The following GMPS variants were observed in gnomAD, a reference collection of about 807,000 sequenced individuals.
GMPS encodes GMP synthase [glutamine-hydrolyzing].
GMPS carries 15 observed loss-of-function variants against 77.9 expected under a neutral mutation model. The ratio of observed to expected loss-of-function variants is 0.19; its 90% CI spans 0.13 to 0.30. GMPS has a LOEUF of 0.30. Ranked by LOEUF, GMPS falls within the 10% of genes least tolerant of loss-of-function variation. The pLI, the probability that GMPS is intolerant of heterozygous loss-of-function variation, is 1.00. For synonymous variants in GMPS, 224 were observed against 275.9 expected, an observed-to-expected ratio of 0.81 and a Z score of 1.86; for missense variants, 590 against 838.8, an observed-to-expected ratio of 0.70 and a Z score of 3.66.
At chr3:155,872,239 A>AT (rs2108040057) in intron 1 of GMPS, among the ~76,000 whole-genome samples, 1 of 152,296 alleles carries the variant, frequency 6.6e-6, no homozygotes, top group South Asian at 2.1e-4. Flanking sequence ...TTCAAAAAGT[A>AT]TTTGTCGAAC....
At chr3:155,905,754 G>A (rs1754865248) in intron 4 of GMPS, among the ~76,000 whole-genome samples, 1 of 152,248 alleles carries the variant, frequency 6.6e-6, no homozygotes, top group Admixed American at 6.5e-5. Context: ...AACAGTTTCA[G>A]TACTAAGTCC....
intron 1 of GMPS, among the ~76,000 whole-genome samples, chr3:155,871,198 C>T (rs1313172276): frequency 6.6e-6 from 1 of 152,054 alleles, no homozygotes; most frequent in Non-Finnish European, 1.5e-5. Context: ...GGCGCAGAGC[C>T]CGCGAGCGCG....
In GMPS at chr3:155,870,738, C is replaced by T. The variant is rs1753883766; in HGVS notation, c.-133C>T. 3.3e-6 allele frequency: 2 copies of T among 615,272 alleles called. No homozygotes were observed. The highest frequency in any genetic ancestry group is 3.4e-5 in the East Asian group (1 of 29,394). The allele number at this position is 615,272 out of a possible 1,614,324, so 38.1% of individuals were successfully genotyped here. On this transcript the variant is annotated 5_prime_UTR_variant, in exon 1 of 16. Transcript: ENST00000496455. ...CATTCGGCGCTTTTCTGGCGGCTGG[C>T]TCCTCTCCGCTGCCGGCTGCTCCTC...
intron 3 of GMPS, among the ~76,000 whole-genome samples, chr3:155,901,727 C>T (rs1032608134): frequency 6.6e-6 from 1 of 151,446 alleles, no homozygotes; most frequent in Non-Finnish European, 1.5e-5. Flanking sequence ...AGTTAATTTT[C>T]CTTGTTATTG....
At chr3:155,937,300 A>C (rs975655612) in intron 15 of GMPS, among the ~76,000 whole-genome samples, 1 of 152,214 alleles carries the variant, frequency 6.6e-6, no homozygotes, top group Non-Finnish European at 1.5e-5. Context: ...ATATGTTCTT[A>C]AGCACTTGTG....
chr3:155,911,758 G>GA (rs760550442), intron 7 of GMPS, among the ~76,000 whole-genome samples: 57 of 150,540 alleles, frequency 3.8e-4, no homozygotes, highest in Non-Finnish European at 6.8e-4. Flanking sequence ...AGAATCACTT[G>GA]AACCTGGGAG....
At chr3:155,920,254 C>T (rs1428761138) in intron 10 of GMPS, among the ~76,000 whole-genome samples, 1 of 152,118 alleles carries the variant, frequency 6.6e-6, no homozygotes, top group African/African-American at 2.4e-5. Flanking sequence ...ATCATATTGG[C>T]TCCATAAACA....
chr3:155,871,561 AG>A (rs1391476899), intron 1 of GMPS, among the ~76,000 whole-genome samples: 10 of 152,200 alleles, frequency 6.6e-5, no homozygotes, highest in African/African-American at 2.2e-4. Flanking sequence ...TGGTGGCCCC[AG>A]GGTCGCGCAC....
At chr3:155,931,966 G>C in intron 13 of GMPS, 86 bp downstream of exon 13, 1 of 674,044 alleles carries the variant, frequency 1.5e-6, no homozygotes, top group East Asian at 2.6e-5. Flanking sequence ...AGACCAAAAG[G>C]CTCAAATGTA....
Position 155,939,825 on chromosome 3 carries a change from A to G in GMPS, c.*2133A>G, listed in dbSNP as rs1014009878. ...TGCACAGCACTTTTTGCTTTGTGCC[A>G]TATAGCATTACTCTGTACCTTCACA... On this transcript the variant is annotated 3_prime_UTR_variant, in exon 16 of 16. Coordinates refer to ENST00000496455, the MANE Select transcript of GMPS (RefSeq NM_003875.3). 1 of 200,302 alleles carries G rather than the reference A, an allele frequency of 5.0e-6. No individual in the cohort carries two copies. The highest frequency in any genetic ancestry group is 2.3e-5 in the African/African-American group (1 of 43,522). 12.4% of individuals were successfully genotyped at this position (200,302 alleles called of 1,614,324 possible).
Position 155,873,638 on chromosome 3 carries a change from C to T in GMPS, c.27+2741C>T, listed in dbSNP as rs370228061. On this transcript the variant is annotated intron_variant, in intron 1 of 15. Coordinates refer to ENST00000496455, the MANE Select transcript of GMPS (RefSeq NM_003875.3). Reference sequence around the variant, plus strand: ...TGTCGTTAGGTTACATGAGTAAGTTCTTTTTTTTTTTTTTGAGATGGAGTC... The same window carrying T: ...TGTCGTTAGGTTACATGAGTAAGTTTTTTTTTTTTTTTTTGAGATGGAGTC... 1.8e-3 allele frequency among the ~76,000 whole-genome samples: 145 copies of T among 82,502 alleles called. 1 individual carries two copies. Among genetic ancestry groups the T allele is most frequent in the Non-Finnish European group, 2.1e-3 (93 of 44,908 alleles). The allele number at this position is 82,502 out of a possible 152,430, so 54.1% of individuals were successfully genotyped here.
chr3:155,940,638 G>C lies in GMPS; in HGVS notation c.*2946G>C, dbSNP rs1279476641. On this transcript the variant is annotated 3_prime_UTR_variant, in exon 16 of 16. Transcript: ENST00000496455. ...CATTTCTGTTCTTTATCTGTGACAT[G>C]AGGTAACTGTATTAAATTTTCAGCA... 4.6e-6 allele frequency: 1 copy of C among 218,410 alleles called. No homozygotes were observed. The highest frequency in any genetic ancestry group is 9.2e-6 in the Non-Finnish European group (1 of 109,100). The allele number at this position is 218,410 out of a possible 1,614,324, so 13.5% of individuals were successfully genotyped here. A position where few individuals can be genotyped will look rare whatever the true frequency, so the allele number is the denominator to read the frequency against.
intron 1 of GMPS, among the ~76,000 whole-genome samples, chr3:155,885,240 G>A (rs1325337672): frequency 6.6e-6 from 1 of 152,014 alleles, no homozygotes; most frequent in African/African-American, 2.4e-5. Flanking sequence ...CAAATCTATC[G>A]AACATTGAAA....
At chr3:155,884,508 A>G (rs1458150782) in intron 1 of GMPS, among the ~76,000 whole-genome samples, 1 of 152,202 alleles carries the variant, frequency 6.6e-6, no homozygotes, top group East Asian at 1.9e-4. Context: ...TTGTGTCAAC[A>G]AAATAGTATT....
intron 10 of GMPS, among the ~76,000 whole-genome samples, chr3:155,920,585 A>G (rs1228220531): frequency 6.7e-6 from 1 of 149,008 alleles, no homozygotes; most frequent in African/African-American, 2.6e-5. Flanking sequence ...AAAAAAAAAA[A>G]AAAAGAAAAA....
rs141099545 is a variant in GMPS at position 155,936,204 on chromosome 3, A to C, written c.1808-134A>C. The C allele has an allele frequency of 6.5e-6, 4 of 616,474 alleles. No individual in the cohort carries two copies. The East Asian group carries it at 1.1e-4, about 17-fold the overall frequency. The allele number at this position is 616,474 out of a possible 1,614,324, so 38.2% of individuals were successfully genotyped here. A position where few individuals can be genotyped will look rare whatever the true frequency, so the allele number is the denominator to read the frequency against. The stretch of plus-strand genomic sequence containing the variant: ...AAATGCTCTGCGAGTAGCTGAAATC[A>C]ATGCATGATGACAGTCTTAACTACG... On this transcript the variant is annotated intron_variant, in intron 14 of 15. Transcript: ENST00000496455.
chr3:155,913,863 C>T (rs1217908815), intron 7 of GMPS, among the ~76,000 whole-genome samples: 1 of 151,764 alleles, frequency 6.6e-6, no homozygotes, highest in East Asian at 2.0e-4. Context: ...GATCTAAATG[C>T]CAGGAGATTC....
At chr3:155,927,790 C>T in intron 12 of GMPS, among the ~76,000 whole-genome samples, 1 of 152,076 alleles carries the variant, frequency 6.6e-6, no homozygotes, top group Admixed American at 6.6e-5. Context: ...ATTTGGGGTA[C>T]ACATTGTCAA....
chr3:155,936,842 T>C (rs887122341), intron 15 of GMPS, among the ~76,000 whole-genome samples: 7 of 152,206 alleles, frequency 4.6e-5, no homozygotes, highest in African/African-American at 1.7e-4. Context: ...GAAATAAGGA[T>C]GCAATTTGAT....
Sources: gnomAD v4.1 joint callset for allele counts (sites outside exome capture counted in the v4.1 genomes callset) on GRCh38, gnomAD v4.1.1 for gene constraint, MANE v1.5 for transcripts, NCBI Gene and HGNC (gene_info 2026-07-23, HGNC 2026-07-21) for gene names.